Variants in DRC12 observed in about 807,000 individuals in gnomAD.
DRC12 encodes dynein regulatory complex subunit 12 homolog, also known as dynein regulatory complex protein 12.
the DRC12 span, chr11:119,193,986 G>A: frequency 8.3e-7 from 1 of 1,203,744 alleles, no homozygotes. Flanking sequence ...ATCTGGTGGT[G>A]GGGTGTCCAG....
At chr11:119,195,034 TC>T in the DRC12 span, 1 of 1,491,434 alleles carries the variant, frequency 6.7e-7, no homozygotes, top group Non-Finnish European at 9.1e-7. Flanking sequence ...CTTCATGATC[TC>T]AGCATTCCTC....
the DRC12 span, chr11:119,195,552 T>C: frequency 7.6e-7 from 1 of 1,319,368 alleles, no homozygotes; most frequent in Non-Finnish European, 1.1e-6. Context: ...GATGCTTTCC[T>C]GAGCTTTAGA....
the DRC12 span, chr11:119,193,437 A>C: frequency 2.2e-6 from 2 of 902,180 alleles, no homozygotes; most frequent in Non-Finnish European, 3.3e-6. Context: ...AGCCCGACCT[A>C]CCTCCCCCAG....
chr11:119,192,061 C>T, the DRC12 span, among the ~76,000 whole-genome samples: 12 of 151,142 alleles, frequency 7.9e-5, 1 homozygote, highest in South Asian at 4.2e-4. Flanking sequence ...CTGCAGCCTC[C>T]GCCTCCTGGG....
chr11:119,195,090 C>T, the DRC12 span: 1 of 1,054,768 alleles, frequency 9.5e-7, no homozygotes, highest in South Asian at 1.4e-5. Context: ...TTTGCCACAG[C>T]AGACCTGAGG....
At chr11:119,193,373 CT>C in the DRC12 span, 1 of 875,026 alleles carries the variant, frequency 1.1e-6, no homozygotes. Context: ...CTTCTTGGTT[CT>C]TTTTGTGATT....
chr11:119,190,691 T>A, the DRC12 span: 2 of 1,609,298 alleles, frequency 1.2e-6, no homozygotes, highest in Non-Finnish European at 1.7e-6. The surrounding 1 kb of genome is among the most constrained non-coding windows in gnomAD (Gnocchi z 4.2). Context: ...ATGGCTGGGA[T>A]CCAGGGGGTG....
chr11:119,193,136 G>A, the DRC12 span: 1 of 1,609,152 alleles, frequency 6.2e-7, no homozygotes, highest in Non-Finnish European at 8.5e-7. Context: ...GGGCTTGGAG[G>A]GTGGGGAAAC....
At chr11:119,195,425 C>T in the DRC12 span, 1 of 1,551,220 alleles carries the variant, frequency 6.4e-7, no homozygotes, top group East Asian at 2.4e-5. Flanking sequence ...ATGACTCACC[C>T]CAGTTCTTTT....
chr11:119,191,130 T>G, the DRC12 span, among the ~76,000 whole-genome samples: 2 of 150,364 alleles, frequency 1.3e-5, no homozygotes, highest in African/African-American at 2.5e-5. Flanking sequence ...AGATGGAGTC[T>G]CACTCTGTCG....
At chr11:119,193,107 T>C in the DRC12 span, 1 of 1,537,912 alleles carries the variant, frequency 6.5e-7, no homozygotes, top group East Asian at 2.2e-5. Context: ...TGGCCCTTGC[T>C]GCAACTCTTG....
the DRC12 span, chr11:119,193,841 G>A: frequency 1.9e-6 from 3 of 1,551,596 alleles, no homozygotes; most frequent in Non-Finnish European, 1.7e-6. Flanking sequence ...TGCCTCAGCT[G>A]GTCTTCGGAA....
chr11:119,193,969 T>C, the DRC12 span: 3 of 1,376,866 alleles, frequency 2.2e-6, no homozygotes, highest in Non-Finnish European at 3.0e-6. Context: ...TTTGCCCACC[T>C]CTAGAAATCT....
the DRC12 span, chr11:119,194,935 G>A: frequency 2.5e-5 from 39 of 1,551,300 alleles, no homozygotes; most frequent in East Asian, 2.0e-4. Context: ...AAGTGGTCTC[G>A]GAGCAGCTCC....
the DRC12 span, chr11:119,193,705 C>A: frequency 1.9e-6 from 3 of 1,541,142 alleles, no homozygotes; most frequent in Non-Finnish European, 2.6e-6. Context: ...ATCAACTGAC[C>A]CTGTTGGTTG....
chr11:119,193,926 C>G, the DRC12 span: 4 of 1,539,186 alleles, frequency 2.6e-6, no homozygotes, highest in Non-Finnish European at 3.5e-6. Flanking sequence ...CTGGCTGGGT[C>G]CCACTAAATC....
At chr11:119,192,797 C>T in the DRC12 span, among the ~76,000 whole-genome samples, 4 of 152,180 alleles carry the variant, frequency 2.6e-5, no homozygotes, top group African/African-American at 9.7e-5. Flanking sequence ...CAGGTGTGCG[C>T]CACCACATCC....
chr11:119,190,495 A>G, the DRC12 span: 6 of 1,611,380 alleles, frequency 3.7e-6, no homozygotes, highest in Non-Finnish European at 5.1e-6. The surrounding 1 kb of genome is among the most constrained non-coding windows in gnomAD (Gnocchi z 4.2). Flanking sequence ...AGAGAGAGGG[A>G]AGGAGTGAGT....
the DRC12 span, chr11:119,193,350 G>A: frequency 1.1e-6 from 1 of 943,472 alleles, no homozygotes; most frequent in Non-Finnish European, 1.7e-6. Context: ...TAGTGGAACA[G>A]GAGCACAAAG....
Sources: allele counts gnomAD v4.1 joint callset (sites outside exome capture counted in the v4.1 genomes callset), GRCh38; gene constraint gnomAD v4.1.1; non-coding constraint Gnocchi (gnomAD v3.1); transcripts MANE v1.5; gene names NCBI Gene and HGNC (gene_info 2026-07-23, HGNC 2026-07-21).